NUDT19: variants seen among roughly 807,000 people sequenced by gnomAD.
NUDT19 encodes the protein acyl-coenzyme A diphosphatase NUDT19.
A neutral mutation model predicts 22.2 loss-of-function variants in NUDT19; 31 were observed. That is an observed-to-expected ratio of 1.40 (90% CI 1.05 to 1.89). NUDT19 has a LOEUF of 1.89. Among genes scored for constraint, NUDT19 ranks in the 40% most tolerant of loss-of-function variants. The pLI is 0.00. For missense variants in NUDT19, 752 were observed against 514.2 expected, an observed-to-expected ratio of 1.46 and a Z score of -4.47; for synonymous variants, 325 against 230.8, an observed-to-expected ratio of 1.41 and a Z score of -3.70.
Position 32,692,632 on chromosome 19 carries a change from G to C in NUDT19, c.672G>C (p.Pro224=), listed in dbSNP as rs374113857. The C allele has an allele frequency of 2.0e-6, 3 of 1,533,366 alleles. No homozygotes were observed. In the African/African-American group the frequency reaches 4.3e-5, roughly 22 times the overall value. 95.0% of individuals were successfully genotyped at this position (1,533,366 alleles called of 1,614,324 possible). Residue 224 remains proline (P), a synonymous_variant, in exon 1 of 3, where the codon CCG becomes CCC. Transcript: ENST00000397061. ...TCTTCCTGTGCTGCCTGCGCGAGCC[G>C]CCGCCCGTCTACCCCGACTTGGCGG... ...TAFFLCCLRE[P]PPVYPDLAEV...
intron 1 of NUDT19, among the ~76,000 whole-genome samples, chr19:32,696,576 C>T (rs1218874493): frequency 6.6e-6 from 1 of 152,156 alleles, no homozygotes; most frequent in East Asian, 1.9e-4. Context: ...CAGGGGACAA[C>T]AAATGGGTAA....
At chr19:32,710,115 G>A (rs1316930923) in intron 2 of NUDT19, among the ~76,000 whole-genome samples, 4 of 151,578 alleles carry the variant, frequency 2.6e-5, no homozygotes, top group African/African-American at 9.7e-5. Flanking sequence ...GGGTTCAAGC[G>A]ATACTTCTGC....
intron 1 of NUDT19, among the ~76,000 whole-genome samples, chr19:32,693,861 C>A (rs1030403118): frequency 1.3e-5 from 2 of 152,196 alleles, no homozygotes; most frequent in African/African-American, 4.8e-5. Flanking sequence ...CTCAATCCCG[C>A]CTCTAAACAG....
rs1444192805 is a variant in NUDT19, at chr19:32,709,340, G to A, written c.870G>A (p.Arg290=). The A allele has an allele frequency of 6.2e-7, 1 of 1,614,180 alleles. No individual in the cohort carries two copies. ...CLGRALEGLE[R]WLPIILLTAD... ...GTCGTGCATTAGAAGGACTGGAAAGGTGGCTGCCGATCATCTTGTTAACTG... is the reference window on the plus strand; with the variant it reads ...GTCGTGCATTAGAAGGACTGGAAAGATGGCTGCCGATCATCTTGTTAACTG... Residue 290 remains arginine (R), a synonymous_variant, in exon 2 of 3, where the codon AGG becomes AGA. Coordinates refer to ENST00000397061, the MANE Select transcript of NUDT19 (RefSeq NM_001105570.2).
Position 32,691,870 on chromosome 19 carries a change from G to C in NUDT19, c.-91G>C. 1.5e-6 allele frequency: 1 copy of C among 668,840 alleles called. No individual in the cohort carries two copies. The highest frequency in any genetic ancestry group is 2.1e-6 in the Non-Finnish European group (1 of 486,998). The allele number at this position is 668,840 out of a possible 1,614,324, so 41.4% of individuals were successfully genotyped here. The stretch of plus-strand genomic sequence containing the variant: ...AGAGGCTCGTCCTCAATTCCCGCGA[G>C]GCCCCCGGAGGTGCTGGGGTCCCTG... On this transcript the variant is annotated 5_prime_UTR_variant, in exon 1 of 3. Coordinates refer to ENST00000397061, the MANE Select transcript of NUDT19 (RefSeq NM_001105570.2).
intron 1 of NUDT19, among the ~76,000 whole-genome samples, chr19:32,693,007 A>C (rs937893984): frequency 6.7e-6 from 1 of 149,672 alleles, no homozygotes; most frequent in African/African-American, 2.5e-5. Flanking sequence ...TGGAGAACAG[A>C]CTTAATATGA....
At position 32,708,199 on chromosome 19, in the gene NUDT19, G is replaced by A. The variant is rs144513375; in HGVS notation, c.715-986G>A. On this transcript the variant is annotated intron_variant, in intron 1 of 2. Coordinates refer to ENST00000397061, the MANE Select transcript of NUDT19 (RefSeq NM_001105570.2). ...TCCCAGCACTTTGGGAGGCCGAGGC[G>A]GGTGGATCATGGGGTCAGGAGATCG... Among the ~76,000 whole-genome samples the A allele has an allele frequency of 3.7e-4, 55 of 150,060 alleles. 1 individual carries two copies. The East Asian group carries it at 5.6e-3, about 15-fold the overall frequency.
rs943458887 is a variant in NUDT19, at chr19:32,712,844, G to A, written c.*887G>A. 6.6e-5 allele frequency: 10 copies of A among 152,132 alleles called. No homozygotes were observed. The highest frequency in any genetic ancestry group is 1.9e-4 in the African/African-American group (8 of 41,442). 9.4% of individuals were successfully genotyped at this position (152,132 alleles called of 1,614,324 possible). ...TCACAAGGGTTCCTACTTCTGTATTGTTTTATTATCTCAAAAATTTAAATA... is the reference window on the plus strand; with the variant it reads ...TCACAAGGGTTCCTACTTCTGTATTATTTTATTATCTCAAAAATTTAAATA... On this transcript the variant is annotated 3_prime_UTR_variant, in exon 3 of 3. Transcript: ENST00000397061.
At chr19:32,705,228 C>A (rs1387524401) in intron 1 of NUDT19, among the ~76,000 whole-genome samples, 4 of 151,886 alleles carry the variant, frequency 2.6e-5, no homozygotes, top group South Asian at 2.1e-4. Flanking sequence ...CAAGACCAGC[C>A]TTGCCAACAT....
intron 1 of NUDT19, among the ~76,000 whole-genome samples, chr19:32,697,709 G>A (rs1209360354): frequency 2.0e-5 from 3 of 152,154 alleles, no homozygotes; most frequent in Non-Finnish European, 4.4e-5. Flanking sequence ...TTGGGCTGCA[G>A]CTAAAGCCAC....
chr19:32,711,134 A>G (rs1440601534), intron 2 of NUDT19, among the ~76,000 whole-genome samples: 2 of 152,058 alleles, frequency 1.3e-5, no homozygotes, highest in Non-Finnish European at 2.9e-5. Flanking sequence ...GCCCAAAGAA[A>G]ACTCTTGGCT....
chr19:32,693,469 AT>A (rs1968227447), intron 1 of NUDT19, among the ~76,000 whole-genome samples: 1 of 152,326 alleles, frequency 6.6e-6, no homozygotes, highest in African/African-American at 2.4e-5. Context: ...CAGCAGCAAG[AT>A]TTATTGCAAA....
rs778489160 is a variant in NUDT19 at position 32,692,592 on chromosome 19, G to C, written c.632G>C (p.Arg211Pro). 3 of 1,581,580 alleles carry C rather than the reference G, an allele frequency of 1.9e-6. 1 individual carries two copies. In the South Asian group the frequency reaches 3.4e-5, roughly 18 times the overall value. Residue 211 changes from arginine to proline, a missense_variant, in exon 1 of 3, where the codon CGC (arginine) becomes CCC (proline). By Grantham distance (103) the Arg-to-Pro change is moderately radical. Coordinates refer to ENST00000397061, the MANE Select transcript of NUDT19 (RefSeq NM_001105570.2). ...LTPFLRGTTR[R>P]FDTAFFLCCL... Reference sequence around the variant, plus strand: ...CCTTTCTTGCGGGGCACCACTCGCCGCTTTGACACGGCCTTCTTCCTGTGC... The same window carrying C: ...CCTTTCTTGCGGGGCACCACTCGCCCCTTTGACACGGCCTTCTTCCTGTGC...
chr19:32,692,995 C>T (rs892140616), intron 1 of NUDT19, among the ~76,000 whole-genome samples: 1 of 152,004 alleles, frequency 6.6e-6, no homozygotes, highest in Non-Finnish European at 1.5e-5. Flanking sequence ...ATTTGGTTTT[C>T]TTGGAGAACA....
At chr19:32,695,216 G>A (rs1394255162) in intron 1 of NUDT19, among the ~76,000 whole-genome samples, 2 of 152,120 alleles carry the variant, frequency 1.3e-5, no homozygotes, top group East Asian at 3.9e-4. Context: ...GTCTTGCCCT[G>A]TCACCCAGGC....
intron 1 of NUDT19, among the ~76,000 whole-genome samples, chr19:32,705,305 T>G (rs1161250153): frequency 6.6e-6 from 1 of 150,906 alleles, no homozygotes; most frequent in Non-Finnish European, 1.5e-5. Context: ...GCGCCTATAG[T>G]TCTAGCTACT....
chr19:32,696,103 G>A (rs1288418419), intron 1 of NUDT19, among the ~76,000 whole-genome samples: 2 of 152,184 alleles, frequency 1.3e-5, no homozygotes, highest in East Asian at 3.8e-4. Flanking sequence ...TGGCAGCCAT[G>A]CTTGACCCGC....
Position 32,711,886 on chromosome 19 carries a change from C to T in NUDT19, c.1057C>T (p.His353Tyr). 2 of 1,613,826 alleles carry T rather than the reference C, an allele frequency of 1.2e-6. No individual in the cohort carries two copies. The highest frequency in any genetic ancestry group is 1.7e-6 in the Non-Finnish European group (2 of 1,179,856). Reference sequence around the variant, plus strand: ...ATACCATCGCCACCTTTATGATATCCACGTGACTGTTCAGCCAAAGTATAA... The same window carrying T: ...ATACCATCGCCACCTTTATGATATCTACGTGACTGTTCAGCCAAAGTATAA... ...VTYHRHLYDI[H>Y]VTVQPKYKHV... Residue 353 changes from histidine to tyrosine, a missense_variant, in exon 3 of 3, where the codon CAC becomes TAC. By Grantham distance (83) the His-to-Tyr change is moderately conservative (BLOSUM62 2). Coordinates refer to ENST00000397061, the MANE Select transcript of NUDT19 (RefSeq NM_001105570.2).
intron 1 of NUDT19, among the ~76,000 whole-genome samples, chr19:32,708,700 A>G (rs538710871): frequency 3.3e-5 from 5 of 152,270 alleles, no homozygotes; most frequent in African/African-American, 1.2e-4. Flanking sequence ...TCACCACATC[A>G]CAAAGCATTT....
Sources: gnomAD v4.1 joint callset for allele counts (sites outside exome capture counted in the v4.1 genomes callset) on GRCh38, gnomAD v4.1.1 for gene constraint, MANE v1.5 for transcripts, NCBI Gene and HGNC (gene_info 2026-07-23, HGNC 2026-07-21) for gene names.